DTNB: variants seen among roughly 807,000 people sequenced by gnomAD.
The protein encoded by DTNB is DTN-B.
DTNB carries 63 observed loss-of-function variants against 90.7 expected under a neutral mutation model. The observed-to-expected ratio is 0.69, with a 90% CI of 0.57 to 0.86. The LOEUF is 0.86. DTNB is among the 40% of genes least tolerant of loss of function. The probability of loss-of-function intolerance (pLI) is 0.00; values close to 1 mark genes in which losing one functional copy is unlikely to be tolerated. For synonymous variants in DTNB, 277 were observed against 286.7 expected, an observed-to-expected ratio of 0.97 and a Z score of 0.34; for missense variants, 744 against 807.1, an observed-to-expected ratio of 0.92 and a Z score of 0.95.
At chr2:25,441,297 A>G (rs2057332769) in intron 12 of DTNB, among the ~76,000 whole-genome samples, 1 of 152,230 alleles carries the variant, frequency 6.6e-6, no homozygotes, top group Admixed American at 6.5e-5. Context: ...GCTGTCCTAA[A>G]GTAGCCTTAC....
intron 16 of DTNB, among the ~76,000 whole-genome samples, chr2:25,395,590 A>G (rs2042179952): frequency 6.6e-6 from 1 of 150,448 alleles, no homozygotes; most frequent in Non-Finnish European, 1.5e-5. Flanking sequence ...AAATATTTAC[A>G]TACATCTCTC....
chr2:25,461,378 G>C (rs1338396822), intron 10 of DTNB, among the ~76,000 whole-genome samples: 1 of 152,114 alleles, frequency 6.6e-6, no homozygotes. Flanking sequence ...GTTGTACCTA[G>C]TTTACCAGAT....
intron 15 of DTNB, among the ~76,000 whole-genome samples, chr2:25,420,262 CTTTTTTTTT>C (rs56815083): frequency 4.7e-5 from 3 of 63,910 alleles, no homozygotes; most frequent in African/African-American, 1.0e-4. Context: ...CAGGCACAGT[CTTTTTTTTT>C]TTTTTTTTTT....
Position 25,453,043 on chromosome 2 carries a change from TA to T in DTNB, c.1170-1409del, listed in dbSNP as rs149023326. Among the ~76,000 whole-genome samples, 121 of 148,456 alleles carry T rather than the reference TA, an allele frequency of 8.2e-4. 7 individuals carry two copies. The South Asian group carries it at 0.015, about 18-fold the overall frequency. On this transcript the variant is annotated intron_variant, in intron 11 of 20. Coordinates refer to ENST00000406818, the MANE Select transcript of DTNB (RefSeq NM_021907.5). ...GAAATAAGAGAACTATCTTTTAAAT[TA>T]AAAAAAAAACAATAAAAATGAATGC...
Position 25,502,967 on chromosome 2 carries a change from T to C in DTNB, c.1002-20094A>G, listed in dbSNP as rs556883358. ...TACTTGGGATGCTGAAGTGGGAAGA[T>C]CACCTGAGCCCGGGAGGGCAAGGCT... On this transcript the variant is annotated intron_variant, in intron 9 of 20. Transcript: ENST00000406818. Among the ~76,000 whole-genome samples, 3 of 131,672 alleles carry C rather than the reference T, an allele frequency of 2.3e-5. No individual in the cohort carries two copies. The East Asian group carries it at 6.9e-4, about 30-fold the overall frequency. 86.4% of individuals were successfully genotyped at this position (131,672 alleles called of 152,430 possible). A position where few individuals can be genotyped will look rare whatever the true frequency, so the allele number is the denominator to read the frequency against.
chr2:25,483,278 T>C (rs565037379), intron 9 of DTNB, among the ~76,000 whole-genome samples: 1 of 152,322 alleles, frequency 6.6e-6, no homozygotes, highest in South Asian at 2.1e-4. Context: ...TTCTCTACAT[T>C]TTACGTACAA....
intron 9 of DTNB, among the ~76,000 whole-genome samples, chr2:25,492,987 C>T (rs1371244942): frequency 2.0e-5 from 3 of 152,170 alleles, no homozygotes; most frequent in Non-Finnish European, 4.4e-5. Context: ...CAGACAGCCA[C>T]GTACTTACCC....
In DTNB at chr2:25,438,027, C is replaced by G. The variant is rs570374680; in HGVS notation, c.1258-4032G>C. Among the ~76,000 whole-genome samples the G allele has an allele frequency of 7.2e-5, 11 of 152,258 alleles. No individual in the cohort carries two copies. In the South Asian group the frequency reaches 2.1e-3, roughly 29 times the overall value. On this transcript the variant is annotated intron_variant, in intron 12 of 20. Coordinates refer to ENST00000406818, the MANE Select transcript of DTNB (RefSeq NM_021907.5). The stretch of plus-strand genomic sequence containing the variant: ...GTGGTGATGAAAGGGCTCTCAGAGA[C>G]TCAATGAAGTGAGGAAGCCAACCAG...
chr2:25,432,856 T>C lies in DTNB; in HGVS notation c.1457+30A>G, dbSNP rs200590225. 238 of 1,563,720 alleles carry C rather than the reference T, an allele frequency of 1.5e-4. 1 individual carries two copies. In the South Asian group the frequency reaches 2.6e-3, roughly 17 times the overall value. On this transcript the variant is annotated intron_variant, in intron 14 of 20. Coordinates refer to ENST00000406818, the MANE Select transcript of DTNB (RefSeq NM_021907.5). ...TAAGTTCCATCCATAGTAGATTACA[T>C]GTGGCAAGTGGTAGAGTGTCCCTAC...
chr2:25,611,544 C>T (rs2068614702), intron 4 of DTNB, among the ~76,000 whole-genome samples: 1 of 152,172 alleles, frequency 6.6e-6, no homozygotes, highest in Non-Finnish European at 1.5e-5. Context: ...TCTGAATCCA[C>T]ACATGGGAAT....
At chr2:25,574,043 T>G (rs541247933) in intron 8 of DTNB, among the ~76,000 whole-genome samples, 158 of 152,294 alleles carry the variant, frequency 1.0e-3, no homozygotes, top group African/African-American at 3.7e-3. Flanking sequence ...AACTGTCTTC[T>G]TCTGGAAAGA....
At chr2:25,382,245 T>C (rs539959715) in intron 19 of DTNB, among the ~76,000 whole-genome samples, 6 of 152,316 alleles carry the variant, frequency 3.9e-5, no homozygotes, top group African/African-American at 9.6e-5. Flanking sequence ...GTACTCTCTA[T>C]CTCATCACCC....
intron 9 of DTNB, among the ~76,000 whole-genome samples, chr2:25,512,544 G>A (rs2074162716): frequency 1.3e-5 from 2 of 152,152 alleles, no homozygotes; most frequent in Admixed American, 1.3e-4. Flanking sequence ...ACATACTCAA[G>A]AAATCCTTAA....
chr2:25,391,861 T>A (rs943458347), intron 16 of DTNB, among the ~76,000 whole-genome samples: 1 of 152,208 alleles, frequency 6.6e-6, no homozygotes. Flanking sequence ...AATTTAAAAA[T>A]TCTTTGAACT....
intron 16 of DTNB, chr2:25,419,277 C>T (rs191230846): frequency 1.5e-5 from 9 of 608,532 alleles, no homozygotes; most frequent in African/African-American, 3.7e-5. Flanking sequence ...CACTTCAATG[C>T]GCACAACAGA....
chr2:25,646,817 G>A (rs1368760345), intron 2 of DTNB, among the ~76,000 whole-genome samples: 4 of 152,130 alleles, frequency 2.6e-5, no homozygotes, highest in Non-Finnish European at 4.4e-5. Flanking sequence ...CATGTTCTCA[G>A]GACCTCCTGA....
At chr2:25,645,671 G>A (rs994904426) in intron 2 of DTNB, among the ~76,000 whole-genome samples, 2 of 151,880 alleles carry the variant, frequency 1.3e-5, no homozygotes, top group Admixed American at 6.6e-5. Flanking sequence ...AAACTCCTAG[G>A]CTCAAGCAAT....
At chr2:25,627,790 G>A (rs1326337866) in intron 4 of DTNB, among the ~76,000 whole-genome samples, 1 of 149,398 alleles carries the variant, frequency 6.7e-6, no homozygotes, top group Non-Finnish European at 1.5e-5. Flanking sequence ...AGGCTGGAGT[G>A]CAGTGGTGCA....
chr2:25,414,661 C>T (rs1361439685), intron 16 of DTNB, among the ~76,000 whole-genome samples: 1 of 152,058 alleles, frequency 6.6e-6, no homozygotes, highest in Non-Finnish European at 1.5e-5. Flanking sequence ...AGTTATGTCC[C>T]TTATAATTAA....
Sources: gnomAD v4.1 joint callset for allele counts (sites outside exome capture counted in the v4.1 genomes callset) on GRCh38, gnomAD v4.1.1 for gene constraint, MANE v1.5 for transcripts, NCBI Gene and HGNC (gene_info 2026-07-23, HGNC 2026-07-21) for gene names.